Variants in AP4S1 observed in about 807,000 individuals in gnomAD.
AP4S1 encodes adaptor related protein complex 4 subunit sigma 1, also known as AP-4 complex subunit sigma-1.
A neutral mutation model predicts 19.8 loss-of-function variants in AP4S1; 23 were observed. The ratio of observed to expected loss-of-function variants is 1.16; its 90% CI spans 0.84 to 1.65. The LOEUF (loss-of-function observed/expected upper bound fraction) is 1.65. AP4S1 is among the 40% of genes most tolerant of loss of function. AP4S1 has a pLI of 0.00. For synonymous variants in AP4S1, 46 were observed against 54.1 expected, an observed-to-expected ratio of 0.85 and a Z score of 0.66; for missense variants, 166 against 172.8, an observed-to-expected ratio of 0.96 and a Z score of 0.22.
chr14:31,056,166 C>T (rs866413927), intron 1 of AP4S1, among the ~76,000 whole-genome samples: 1 of 151,404 alleles, frequency 6.6e-6, no homozygotes, highest in African/African-American at 2.4e-5. Context: ...ATTTCTAAAT[C>T]TACATACTCT....
chr14:31,075,204 T>C (rs1268958904), intron 4 of AP4S1, among the ~76,000 whole-genome samples: 2 of 152,170 alleles, frequency 1.3e-5, no homozygotes, highest in African/African-American at 4.8e-5. Flanking sequence ...CTCCCAGCTT[T>C]TGGTAACCAC....
chr14:31,070,486 G>A (rs1047154796), intron 3 of AP4S1, among the ~76,000 whole-genome samples: 4 of 152,156 alleles, frequency 2.6e-5, no homozygotes, highest in South Asian at 2.1e-4. Flanking sequence ...GACTTCAAGC[G>A]ATCTTCCTGG....
intron 5 of AP4S1, chr14:31,083,437 G>A: frequency 2.2e-6 from 1 of 449,388 alleles, no homozygotes; most frequent in South Asian, 1.6e-5. Context: ...ACTTCCAGTG[G>A]TCTAAAAGTA....
At chr14:31,027,741 C>G (rs773004823) in intron 1 of AP4S1, among the ~76,000 whole-genome samples, 33 of 152,100 alleles carry the variant, frequency 2.2e-4, no homozygotes, top group Non-Finnish European at 4.3e-4. Context: ...ATAGTGGGTA[C>G]TTTTATGTGC....
At chr14:31,058,434 A>T (rs1016990396) in intron 1 of AP4S1, among the ~76,000 whole-genome samples, 1 of 151,538 alleles carries the variant, frequency 6.6e-6, no homozygotes. Context: ...TTCTTCCTTG[A>T]TGTATATACA....
rs1888204291 is a variant in AP4S1 at position 31,096,405 on chromosome 14, A to G, written c.*3370A>G. 1 of 152,182 alleles carries G rather than the reference A, an allele frequency of 6.6e-6. No homozygotes were observed. The highest frequency in any genetic ancestry group is 1.5e-5 in the Non-Finnish European group (1 of 68,048). 9.4% of individuals were successfully genotyped at this position (152,182 alleles called of 1,614,324 possible). A position where few individuals can be genotyped will look rare whatever the true frequency, so the allele number is the denominator to read the frequency against. Reference sequence around the variant, plus strand: ...TGGTCAACTGAGGTCCCAAAATATTAAACAGAAAATTCCAGAAATAAACAA... The same window carrying G: ...TGGTCAACTGAGGTCCCAAAATATTGAACAGAAAATTCCAGAAATAAACAA... On this transcript the variant is annotated 3_prime_UTR_variant, in exon 6 of 6. Coordinates refer to ENST00000542754, the MANE Select transcript of AP4S1 (RefSeq NM_001128126.3).
At chr14:31,029,607 T>A (rs1426029804) in intron 1 of AP4S1, among the ~76,000 whole-genome samples, 1 of 152,104 alleles carries the variant, frequency 6.6e-6, no homozygotes, top group Non-Finnish European at 1.5e-5. Flanking sequence ...GGCTTAAGCC[T>A]AGGAATTCGA....
chr14:31,040,746 A>G (rs1885059791), intron 1 of AP4S1, among the ~76,000 whole-genome samples: 1 of 152,182 alleles, frequency 6.6e-6, no homozygotes, highest in Non-Finnish European at 1.5e-5. Context: ...CAGTTTACCA[A>G]AATGGCTTTA....
intron 4 of AP4S1, among the ~76,000 whole-genome samples, chr14:31,078,615 G>T (rs73252199): frequency 0.014 from 2,137 of 151,990 alleles, 53 homozygotes; most frequent in African/African-American, 0.049. Flanking sequence ...TAAAAAGTGG[G>T]TACAAGTACT....
At chr14:31,092,091 C>A (rs951223975) in intron 5 of AP4S1, among the ~76,000 whole-genome samples, 16 of 152,164 alleles carry the variant, frequency 1.1e-4, no homozygotes, top group African/African-American at 3.9e-4. Flanking sequence ...ACTAACTTCC[C>A]AGTAAGAACA....
chr14:31,073,299 G>A (rs553807493), intron 4 of AP4S1: 25 of 270,876 alleles, frequency 9.2e-5, no homozygotes, highest in Admixed American at 1.5e-4. Context: ...GACCATCCTG[G>A]CTAATACGGT....
intron 4 of AP4S1, among the ~76,000 whole-genome samples, chr14:31,077,261 GT>G (rs564236388): frequency 3.3e-5 from 5 of 151,888 alleles, no homozygotes; most frequent in East Asian, 1.9e-4. Flanking sequence ...TTTTAAAGTT[GT>G]TTTTTTTCAT....
intron 2 of AP4S1, among the ~76,000 whole-genome samples, chr14:31,068,311 C>T (rs1339625054): frequency 1.3e-5 from 2 of 152,238 alleles, no homozygotes; most frequent in African/African-American, 2.4e-5. Flanking sequence ...TGTCAGTTCT[C>T]CATTTCACTG....
chr14:31,054,421 C>A (rs544502570), intron 1 of AP4S1, among the ~76,000 whole-genome samples: 1 of 152,250 alleles, frequency 6.6e-6, no homozygotes, highest in East Asian at 1.9e-4. Context: ...CAGTGACTCA[C>A]GCCTGTAATC....
At chr14:31,026,264 G>A (rs1883921488) in intron 1 of AP4S1, 3 of 1,317,178 alleles carry the variant, frequency 2.3e-6, no homozygotes, top group East Asian at 3.1e-5. Context: ...GCCCCGCGCT[G>A]GCTGCGGGGC....
chr14:31,025,555 G>T (rs1443149595), upstream of AP4S1: 8 of 333,198 alleles, frequency 2.4e-5, no homozygotes, highest in Non-Finnish European at 4.0e-5. Flanking sequence ...AGTGTTGAGA[G>T]GCCCCAAACC....
chr14:31,081,932 G>A (rs1483416414), intron 5 of AP4S1, among the ~76,000 whole-genome samples: 1 of 151,980 alleles, frequency 6.6e-6, no homozygotes, highest in Non-Finnish European at 1.5e-5. Flanking sequence ...CCTCACCTCA[G>A]ATGATCCGCC....
chr14:31,025,934 C>G (rs200389186), intron 1 of AP4S1, 147 bp downstream of exon 1: 601 of 1,600,634 alleles, frequency 3.8e-4, no homozygotes, highest in Non-Finnish European at 4.7e-4. Flanking sequence ...CCTCCCAGTG[C>G]GCCCGCTCCA....
At position 31,093,658 on chromosome 14, in the gene AP4S1, G is replaced by GCTGT. The variant is rs1487529109; in HGVS notation, c.*626_*629dup. ...GACAGGGTTTCACCATGTTGGCCAG[G>GCTGT]CTGTCTCAAACTCCTGACCTCAGGT... On this transcript the variant is annotated 3_prime_UTR_variant, in exon 6 of 6. Coordinates refer to ENST00000542754, the MANE Select transcript of AP4S1 (RefSeq NM_001128126.3). 6.6e-6 allele frequency: 1 copy of GCTGT among 152,212 alleles called. No homozygotes were observed. The highest frequency in any genetic ancestry group is 1.5e-5 in the Non-Finnish European group (1 of 68,228). 9.4% of individuals were successfully genotyped at this position (152,212 alleles called of 1,614,324 possible).
Sources: gnomAD v4.1 joint callset for allele counts (sites outside exome capture counted in the v4.1 genomes callset) on GRCh38, gnomAD v4.1.1 for gene constraint, MANE v1.5 for transcripts, NCBI Gene and HGNC (gene_info 2026-07-23, HGNC 2026-07-21) for gene names.